TRPM3: variants seen among roughly 807,000 people sequenced by gnomAD.
TRPM3 encodes transient receptor potential cation channel subfamily M member 3.
TRPM3 carries 77 observed loss-of-function variants against 181.2 expected under a neutral mutation model. That is an observed-to-expected ratio of 0.42 (90% CI 0.35 to 0.51). The LOEUF (loss-of-function observed/expected upper bound fraction) is 0.51. Ranked by LOEUF, TRPM3 falls within the 20% of genes least tolerant of loss-of-function variation. The pLI, the probability that TRPM3 is intolerant of heterozygous loss-of-function variation, is 0.01. For synonymous variants in TRPM3, 745 were observed against 796.4 expected (o/e 0.94, Z 1.09); for missense variants, 1,759 against 2,196.7 (o/e 0.80, Z 3.98).
At chr9:71,288,236 C>A (rs1047801447) in intron 1 of TRPM3, among the ~76,000 whole-genome samples, 1 of 151,292 alleles carries the variant, frequency 6.6e-6, no homozygotes, top group Non-Finnish European at 1.5e-5. Context: ...ACAAAAGATA[C>A]CTTAGTGAAT....
chr9:70,856,505 C>T (rs1213844949), intron 3 of TRPM3, among the ~76,000 whole-genome samples: 2 of 152,134 alleles, frequency 1.3e-5, no homozygotes, highest in Admixed American at 1.3e-4. Flanking sequence ...CAAAGATAGA[C>T]AGTTTTTTAA....
chr9:71,121,120 T>C (rs1183987257), intron 1 of TRPM3, 58 bp downstream of exon 1: 1 of 1,548,836 alleles, frequency 6.5e-7, no homozygotes, highest in Admixed American at 1.8e-5. Context: ...GTCCCCAAGT[T>C]GGGTATTTAA....
intron 1 of TRPM3, among the ~76,000 whole-genome samples, chr9:71,181,476 C>A (rs1317250051): frequency 1.3e-5 from 2 of 151,058 alleles, no homozygotes; most frequent in African/African-American, 4.9e-5. Context: ...AAAAATAAAG[C>A]AGCAAATAGG....
intron 1 of TRPM3, among the ~76,000 whole-genome samples, chr9:70,926,573 T>C (rs2096723680): frequency 6.6e-6 from 1 of 152,222 alleles, no homozygotes; most frequent in African/African-American, 2.4e-5. Flanking sequence ...CACAACTTTT[T>C]CTTCACCTAA....
intron 1 of TRPM3, among the ~76,000 whole-genome samples, chr9:70,944,706 C>T (rs567683306): frequency 3.3e-5 from 5 of 152,236 alleles, no homozygotes; most frequent in African/African-American, 1.2e-4. Flanking sequence ...TATAATACAA[C>T]TACAAATTTC....
intron 8 of TRPM3, among the ~76,000 whole-genome samples, chr9:70,687,173 T>C (rs535735676): frequency 1.3e-5 from 2 of 152,302 alleles, no homozygotes; most frequent in South Asian, 4.1e-4. Flanking sequence ...GGTATACTTT[T>C]CCCTCTCCCT....
chr9:70,811,233 A>C lies in TRPM3; in HGVS notation c.973+16614T>G, dbSNP rs758199649. On this transcript the variant is annotated intron_variant, in intron 6 of 25. Transcript: ENST00000677713. The stretch of plus-strand genomic sequence containing the variant: ...AACAAGCGGGAGTCAAGAGAGAAAA[A>C]CGGCAGGCATCCTGTCAAAAAATAA... 8.1e-6 allele frequency: 13 copies of C among 1,610,620 alleles called. No homozygotes were observed. In the Admixed American group the frequency reaches 2.2e-4, roughly 27 times the overall value.
At chr9:70,989,697 G>C (rs2097458353) in intron 1 of TRPM3, among the ~76,000 whole-genome samples, 1 of 152,056 alleles carries the variant, frequency 6.6e-6, no homozygotes, top group African/African-American at 2.4e-5. Context: ...AATCCCAATG[G>C]GTTTGGAGTG....
chr9:70,876,501 A>T (rs1212591967), intron 1 of TRPM3, among the ~76,000 whole-genome samples: 1 of 151,650 alleles, frequency 6.6e-6, no homozygotes, highest in East Asian at 1.9e-4. Context: ...AAATAATTAA[A>T]ATTTTAAAAG....
At chr9:70,754,821 T>C (rs958391817) in intron 8 of TRPM3, among the ~76,000 whole-genome samples, 1 of 152,170 alleles carries the variant, frequency 6.6e-6, no homozygotes, top group Non-Finnish European at 1.5e-5. Flanking sequence ...AATGCCTCCT[T>C]GTTTTGTGTG....
intron 1 of TRPM3, among the ~76,000 whole-genome samples, chr9:71,311,044 A>G (rs1234431904): frequency 6.6e-6 from 1 of 152,178 alleles, no homozygotes; most frequent in Non-Finnish European, 1.5e-5. Flanking sequence ...ATTGTAGTAA[A>G]TGAACATTAA....
intron 1 of TRPM3, among the ~76,000 whole-genome samples, chr9:71,234,101 C>T (rs943325274): frequency 1.3e-5 from 2 of 152,162 alleles, no homozygotes; most frequent in Non-Finnish European, 2.9e-5. Context: ...TCAAGATATT[C>T]GCAGAGGGAC....
intron 1 of TRPM3, among the ~76,000 whole-genome samples, chr9:70,997,779 G>T (rs2097555029): frequency 6.6e-6 from 1 of 152,186 alleles, no homozygotes; most frequent in Non-Finnish European, 1.5e-5. Context: ...ATTGACTGTG[G>T]ATTTCTACTA....
At position 70,622,530 on chromosome 9, in the gene TRPM3, AG is replaced by A. The variant is rs551999582; in HGVS notation, c.1810-1258del. On this transcript the variant is annotated intron_variant, in intron 14 of 25. Coordinates refer to ENST00000677713, the MANE Select transcript of TRPM3 (RefSeq NM_001366145.2). ...AGAGGGCCTGTGCTGATGGTGGCAA[AG>A]GTGCTTAATAGCATGGAAAGTGTCA... Among the ~76,000 whole-genome samples the A allele has an allele frequency of 3.3e-3, 507 of 152,360 alleles. 2 individuals are homozygous for A. The highest frequency in any genetic ancestry group is 0.011 in the African/African-American group (471 of 41,584).
At chr9:71,281,515 C>T (rs971973758) in intron 1 of TRPM3, among the ~76,000 whole-genome samples, 4 of 152,086 alleles carry the variant, frequency 2.6e-5, no homozygotes, top group African/African-American at 7.2e-5. Flanking sequence ...ACATGGAATC[C>T]GCTCAATATA....
chr9:71,287,599 A>T (rs1013339988), intron 1 of TRPM3, among the ~76,000 whole-genome samples: 2 of 151,896 alleles, frequency 1.3e-5, no homozygotes, highest in African/African-American at 2.4e-5. Flanking sequence ...GTACAAAAAA[A>T]CTACAACTCC....
At chr9:70,587,387 A>G (rs1427206146) in intron 22 of TRPM3, among the ~76,000 whole-genome samples, 1 of 152,222 alleles carries the variant, frequency 6.6e-6, no homozygotes, top group Non-Finnish European at 1.5e-5. Flanking sequence ...AGCCAGCAGC[A>G]CATGGATGCC....
chr9:71,341,669 TAA>T (rs55885675), intron 1 of TRPM3, among the ~76,000 whole-genome samples: 7 of 150,506 alleles, frequency 4.7e-5, no homozygotes, highest in Admixed American at 1.3e-4. Flanking sequence ...AAGAAACTAG[TAA>T]AAAAAAAAAA....
At chr9:70,668,440 G>A (rs746949626) in intron 9 of TRPM3, among the ~76,000 whole-genome samples, 5 of 151,508 alleles carry the variant, frequency 3.3e-5, no homozygotes, top group African/African-American at 7.2e-5. Flanking sequence ...CGAGGCGGGC[G>A]GATCACGAGG....
Sources: gnomAD v4.1 joint callset for allele counts (sites outside exome capture counted in the v4.1 genomes callset) on GRCh38, gnomAD v4.1.1 for gene constraint, MANE v1.5 for transcripts, NCBI Gene and HGNC (gene_info 2026-07-23, HGNC 2026-07-21) for gene names.